LDB2: variants seen among roughly 807,000 people sequenced by gnomAD.
LDB2 encodes LIM domain binding 2.
Under a neutral mutation model 44.3 loss-of-function variants are expected in LDB2, and 12 were observed. The observed-to-expected ratio is 0.27, with a 90% CI of 0.17 to 0.44. The LOEUF (loss-of-function observed/expected upper bound fraction) is 0.44. Ranked by LOEUF, LDB2 falls within the 20% of genes least tolerant of loss-of-function variation. LDB2 has a pLI of 1.00. For missense variants in LDB2, 344 were observed against 473.5 expected, an observed-to-expected ratio of 0.73 and a Z score of 2.54; for synonymous variants, 164 against 174.8, an observed-to-expected ratio of 0.94 and a Z score of 0.49.
intron 2 of LDB2, among the ~76,000 whole-genome samples, chr4:16,679,777 G>T (rs1747342220): frequency 6.6e-6 from 1 of 152,160 alleles, no homozygotes; most frequent in African/African-American, 2.4e-5. Flanking sequence ...CCAGAGGTGA[G>T]GGTGGGCAAG....
At chr4:16,644,132 C>T (rs946823779) in intron 2 of LDB2, among the ~76,000 whole-genome samples, 5 of 152,212 alleles carry the variant, frequency 3.3e-5, no homozygotes, top group Non-Finnish European at 7.3e-5. Context: ...AAGTATGGTA[C>T]TCCCGTTTGA....
At chr4:16,735,806 C>T (rs1482127572) in intron 2 of LDB2, among the ~76,000 whole-genome samples, 2 of 152,116 alleles carry the variant, frequency 1.3e-5, no homozygotes, top group Admixed American at 6.6e-5. Context: ...TTTGCCTGAA[C>T]AGTACTTTTC....
chr4:16,669,009 G>A (rs1034227140), intron 2 of LDB2, among the ~76,000 whole-genome samples: 1 of 152,194 alleles, frequency 6.6e-6, no homozygotes, highest in Non-Finnish European at 1.5e-5. Flanking sequence ...AGGAAATGGG[G>A]TCAATCCCCC....
intron 1 of LDB2, among the ~76,000 whole-genome samples, chr4:16,881,224 C>T (rs1580451978): frequency 6.6e-6 from 1 of 152,236 alleles, no homozygotes; most frequent in Non-Finnish European, 1.5e-5. Flanking sequence ...CAGCTCTGAA[C>T]TTGGGAACAC....
rs1165121729 is a variant in LDB2, at chr4:16,749,568, A to AAT, written c.235+9589_235+9590insAT. Among the ~76,000 whole-genome samples the AAT allele has an allele frequency of 4.2e-4, 57 of 137,002 alleles. 1 individual carries two copies. The East Asian group carries it at 0.012, about 29-fold the overall frequency. The allele number at this position is 137,002 out of a possible 152,430, so 89.9% of individuals were successfully genotyped here. On this transcript the variant is annotated intron_variant, in intron 2 of 7. Transcript: ENST00000304523. ...AGCAAGACTCCATCTCAAAAAAAAAAAAAATAAAAAAATAAAAAAAAATAT... is the reference window on the plus strand; with the variant it reads ...AGCAAGACTCCATCTCAAAAAAAAAAATAAAATAAAAAAATAAAAAAAAATAT...
intron 1 of LDB2, among the ~76,000 whole-genome samples, chr4:16,878,359 A>T (rs1390735146): frequency 6.6e-6 from 1 of 152,226 alleles, no homozygotes; most frequent in Non-Finnish European, 1.5e-5. Flanking sequence ...CTCTTATTCC[A>T]GTAACCATAG....
intron 2 of LDB2, among the ~76,000 whole-genome samples, chr4:16,635,888 G>A (rs1270618507): frequency 2.0e-5 from 3 of 152,144 alleles, no homozygotes; most frequent in Non-Finnish European, 4.4e-5. Flanking sequence ...TAGGTGAAAT[G>A]TAAGAGCTTT....
chr4:16,562,000 A>C (rs921348892), intron 5 of LDB2, among the ~76,000 whole-genome samples: 1 of 152,210 alleles, frequency 6.6e-6, no homozygotes, highest in Non-Finnish European at 1.5e-5. Flanking sequence ...TGGTGCTGGG[A>C]AAACTGGCTA....
chr4:16,847,753 G>A (rs1176927476), intron 1 of LDB2, among the ~76,000 whole-genome samples: 2 of 152,034 alleles, frequency 1.3e-5, no homozygotes, highest in Non-Finnish European at 2.9e-5. Context: ...AGTAGCTGGG[G>A]CTACAGGCGC....
At chr4:16,522,068 GTAAC>G (rs1726317338) in intron 5 of LDB2, among the ~76,000 whole-genome samples, 1 of 152,132 alleles carries the variant, frequency 6.6e-6, no homozygotes, top group Admixed American at 6.5e-5. Flanking sequence ...TATAACAATA[GTAAC>G]TAACTAGTGG....
Position 16,806,282 on chromosome 4 carries a change from G to T in LDB2, c.133-47022C>A, listed in dbSNP as rs542437779. Among the ~76,000 whole-genome samples the T allele has an allele frequency of 4.6e-5, 7 of 152,276 alleles. No individual in the cohort carries two copies. In the East Asian group the frequency reaches 1.2e-3, roughly 25 times the overall value. ...TTCCTCTGTTCTAGCACTTACTGTG[G>T]ATCTTGTAATTACCTGATTACACCT... On this transcript the variant is annotated intron_variant, in intron 1 of 7. Coordinates refer to ENST00000304523, the MANE Select transcript of LDB2 (RefSeq NM_001290.5).
intron 1 of LDB2, among the ~76,000 whole-genome samples, chr4:16,856,609 A>G (rs1789409090): frequency 6.6e-6 from 1 of 152,202 alleles, no homozygotes; most frequent in African/African-American, 2.4e-5. Context: ...CTGTGTTACA[A>G]TAAAACTTTA....
chr4:16,897,952 A>G (rs1415931365), intron 1 of LDB2, among the ~76,000 whole-genome samples: 10 of 72,386 alleles, frequency 1.4e-4, no homozygotes, highest in East Asian at 5.9e-4. Context: ...ATATGTATAT[A>G]TATATATATA....
chr4:16,778,985 G>T (rs1055013197), intron 1 of LDB2, among the ~76,000 whole-genome samples: 2 of 152,086 alleles, frequency 1.3e-5, no homozygotes, highest in East Asian at 3.9e-4. Context: ...CTATCTCATT[G>T]TCTCCCTATA....
chr4:16,523,741 G>A (rs1157763446), intron 5 of LDB2, among the ~76,000 whole-genome samples: 6 of 152,130 alleles, frequency 3.9e-5, no homozygotes, highest in Admixed American at 3.3e-4. Context: ...CATGTTCCAG[G>A]CGGGACAAAG....
rs186048277 is a variant in LDB2, at chr4:16,570,346, C to A, written c.615+15576G>T. Among the ~76,000 whole-genome samples the A allele has an allele frequency of 3.1e-3, 463 of 150,602 alleles. 2 individuals are homozygous for A. Among genetic ancestry groups the A allele is most frequent in the Middle Eastern group, 0.017 (5 of 292 alleles). ...GGTGTGGTGGCGGGCACCTGTAGTT[C>A]CAGCTACTGGGGAGGCTGAGGCAGG... On this transcript the variant is annotated intron_variant, in intron 5 of 7. Transcript: ENST00000304523.
intron 1 of LDB2, among the ~76,000 whole-genome samples, chr4:16,810,834 C>G (rs1779708697): frequency 6.6e-6 from 1 of 152,122 alleles, no homozygotes; most frequent in African/African-American, 2.4e-5. Flanking sequence ...AGAGTGTAAC[C>G]TCTCAGTCTT....
intron 2 of LDB2, among the ~76,000 whole-genome samples, chr4:16,757,784 T>C (rs1052086489): frequency 4.6e-5 from 7 of 152,164 alleles, no homozygotes; most frequent in African/African-American, 1.7e-4. Flanking sequence ...ATGAGGCTGC[T>C]TGGGGGCACC....
intron 2 of LDB2, among the ~76,000 whole-genome samples, chr4:16,746,401 T>C (rs955872236): frequency 7.2e-5 from 11 of 152,182 alleles, no homozygotes; most frequent in Non-Finnish European, 4.4e-5. Flanking sequence ...TGTCTCTTTT[T>C]AGCCAAAGCC....
Sources: gnomAD v4.1 joint callset for allele counts (sites outside exome capture counted in the v4.1 genomes callset) on GRCh38, gnomAD v4.1.1 for gene constraint, MANE v1.5 for transcripts, NCBI Gene and HGNC (gene_info 2026-07-23, HGNC 2026-07-21) for gene names.